FAT1: variants seen among roughly 807,000 people sequenced by gnomAD.
The protein encoded by FAT1 is FAT atypical cadherin 1.
Under a neutral mutation model 329.8 loss-of-function variants are expected in FAT1, and 171 were observed. The observed-to-expected ratio is 0.52, with a 90% CI of 0.46 to 0.59. The LOEUF is 0.59. Ranked by LOEUF, FAT1 falls within the 20% of genes least tolerant of loss-of-function variation. The probability of loss-of-function intolerance (pLI) is 0.00; values close to 1 mark genes in which losing one functional copy is unlikely to be tolerated. For synonymous variants in FAT1, 2,233 were observed against 2,228.6 expected, an observed-to-expected ratio of 1.00 and a Z score of -0.06; for missense variants, 5,672 against 5,774.4, an observed-to-expected ratio of 0.98 and a Z score of 0.57.
intron 22 of FAT1, 145 bp downstream of exon 22, chr4:186,599,753 G>T: frequency 1.5e-6 from 1 of 671,942 alleles, no homozygotes; most frequent in Non-Finnish European, 2.5e-6. Context: ...CCGTATGAGG[G>T]ATGCTGCTCG....
chr4:186,707,640 G>C lies in FAT1; in HGVS notation c.2188C>G (p.Gln730Glu). The C allele has an allele frequency of 6.2e-7, 1 of 1,613,994 alleles. No individual in the cohort carries two copies. Among genetic ancestry groups the C allele is most frequent in the South Asian group, 1.1e-5 (1 of 91,078 alleles). ...LPTGIQVKEN[Q>E]PVGSSVIFMN... Reference sequence around the variant, plus strand: ...AAAATTACACTGGAACCCACAGGCTGGTTTTCCTTTACCTGAATACCAGTC... The same window carrying C: ...AAAATTACACTGGAACCCACAGGCTCGTTTTCCTTTACCTGAATACCAGTC... The change falls in exon 2 of 27, where the codon CAG becomes GAG. Residue 730 changes from glutamine to glutamate, a missense_variant. Around this residue, in one of 2 missense-constraint regions of FAT1, gnomAD observed 3,966 missense variants for 3,915.2 expected, o/e 1.01. Transcript: ENST00000441802.
At chr4:186,624,426 T>C (rs1028622627) in intron 9 of FAT1, among the ~76,000 whole-genome samples, 1 of 152,150 alleles carries the variant, frequency 6.6e-6, no homozygotes, top group African/African-American at 2.4e-5. Context: ...TTACTTAAGT[T>C]TGGGGAGGAA....
intron 17 of FAT1, among the ~76,000 whole-genome samples, chr4:186,605,607 GA>G (rs1389287708): frequency 8.7e-5 from 12 of 138,250 alleles, no homozygotes; most frequent in African/African-American, 3.3e-4. Flanking sequence ...GGGGAGGAGG[GA>G]AGAGTGGGGA....
At chr4:186,612,412 G>A (rs1192560448) in intron 13 of FAT1, among the ~76,000 whole-genome samples, 1 of 152,052 alleles carries the variant, frequency 6.6e-6, no homozygotes, top group Non-Finnish European at 1.5e-5. Flanking sequence ...ATCACAGCAT[G>A]AGTATCCCTA....
chr4:186,618,367 C>A lies in FAT1; in HGVS notation c.8219G>T (p.Gly2740Val), dbSNP rs1739829674. Reference protein sequence around the residue: ...SGTVLYSLVKGNTPESNRDES... With the variant: ...SGTVLYSLVKVNTPESNRDES... ...ATCCCTATTGCTTTCTGGAGTATTC[C>A]CTTTGACCAGGCTGTAAAGAACAGT... Residue 2740 changes from glycine (G) to valine (V), a missense_variant, in exon 10 of 27, where the codon GGG becomes GTG. Coordinates refer to ENST00000441802, the MANE Select transcript of FAT1 (RefSeq NM_005245.4). 6.2e-7 allele frequency: 1 copy of A among 1,613,850 alleles called. No individual in the cohort carries two copies. Among genetic ancestry groups the A allele is most frequent in the African/African-American group, 1.3e-5 (1 of 74,914 alleles).
intron 3 of FAT1, among the ~76,000 whole-genome samples, 183 bp downstream of exon 3, chr4:186,663,116 G>T (rs1425972671): frequency 1.3e-5 from 2 of 152,184 alleles, no homozygotes; most frequent in Non-Finnish European, 2.9e-5. Context: ...GATTACAGGC[G>T]TGAGCCACTG....
chr4:186,722,481 C>T (rs1745508189), intron 1 of FAT1, among the ~76,000 whole-genome samples: 1 of 152,148 alleles, frequency 6.6e-6, no homozygotes, highest in South Asian at 2.1e-4. Flanking sequence ...ATTTTTACAT[C>T]TTAAATACAA....
Position 186,636,834 on chromosome 4 carries a change from G to C in FAT1, c.3723C>G (p.Asn1241Lys), listed in dbSNP as rs929868953. 1.2e-6 allele frequency: 2 copies of C among 1,613,794 alleles called. No homozygotes were observed. Among genetic ancestry groups the C allele is most frequent in the Non-Finnish European group, 1.7e-6 (2 of 1,179,884 alleles). ...VIVKILDEND[N>K]KPQFLQKFYK... The stretch of plus-strand genomic sequence containing the variant: ...AGAACTTTTGCAGAAACTGAGGTTT[G>C]TTGTCATTTTCATCAAGGATTTTCA... Residue 1241 changes from asparagine to lysine, a missense_variant, in exon 5 of 27, where the codon AAC (asparagine) becomes AAG (lysine). Asn to Lys is a moderately conservative substitution (Grantham distance 94). Coordinates refer to ENST00000441802, the MANE Select transcript of FAT1 (RefSeq NM_005245.4).
At chr4:186,718,615 C>T (rs749366042) in intron 1 of FAT1, among the ~76,000 whole-genome samples, 1 of 152,066 alleles carries the variant, frequency 6.6e-6, no homozygotes, top group Non-Finnish European at 1.5e-5. Flanking sequence ...TGCAGTGAGC[C>T]GAGATTGCGC....
At chr4:186,668,186 T>C (rs1463913814) in intron 2 of FAT1, among the ~76,000 whole-genome samples, 2 of 152,182 alleles carry the variant, frequency 1.3e-5, no homozygotes. Context: ...CTTTTTAATC[T>C]GTCAGCCCAG....
At position 186,619,298 on chromosome 4, in the gene FAT1, G is replaced by A. The variant is rs1452402187; in HGVS notation, c.7288C>T (p.Leu2430=). 6.2e-7 allele frequency: 1 copy of A among 1,614,048 alleles called. No individual in the cohort carries two copies. The highest frequency in any genetic ancestry group is 1.7e-5 in the Admixed American group (1 of 60,032). The change falls in exon 10 of 27, where the codon CTG becomes TTG. Residue 2430 remains leucine, a synonymous_variant. Coordinates refer to ENST00000441802, the MANE Select transcript of FAT1 (RefSeq NM_005245.4). ...SDIDKLQYSI[L]SGNDHKHFVI... is the part of the protein sequence containing the mutation. ...AAATGTTTATGATCATTGCCAGACA[G>A]AATGGAATACTGCAACTTGTCTATG...
At position 186,707,212 on chromosome 4, in the gene FAT1, G is replaced by A. The variant is rs577598489; in HGVS notation, c.2616C>T (p.Ser872=). The A allele has an allele frequency of 7.4e-6, 12 of 1,613,892 alleles. No homozygotes were observed. The highest frequency in any genetic ancestry group is 1.7e-5 in the Admixed American group (1 of 60,008). Residue 872 remains serine (S), a synonymous_variant, in exon 2 of 27, where the codon AGC becomes AGT. Transcript: ENST00000441802. The stretch of plus-strand genomic sequence containing the variant: ...GTGCGATGTTAACAACACCCGTCAC[G>A]CTGTCAATTGAAAATGTGTCTGTGT... ...VTDTDTFSID[S]VTGVVNIARP... is the part of the protein sequence containing the mutation.
intron 24 of FAT1, 26 bp downstream of exon 24, chr4:186,597,656 C>T (rs375588095): frequency 1.4e-5 from 22 of 1,567,360 alleles, no homozygotes; most frequent in Non-Finnish European, 1.9e-5. Context: ...AAGGTATGAA[C>T]CTAAATTTTG....
Position 186,706,876 on chromosome 4 carries a change from C to T in FAT1, c.2952G>A (p.Arg984=), listed in dbSNP as rs779648756. ...FDVDKLSGAV[R]IVQQLDFEKK... is the part of the protein sequence containing the mutation. ...TCTCAAAGTCCAACTGCTGGACGAT[C>T]CTAACTGCTCCACTGAGTTTATCCA... Residue 984 remains arginine, a synonymous_variant, in exon 2 of 27, where the codon AGG becomes AGA. Coordinates refer to ENST00000441802, the MANE Select transcript of FAT1 (RefSeq NM_005245.4). 6.2e-7 allele frequency: 1 copy of T among 1,613,974 alleles called. No individual in the cohort carries two copies. Among genetic ancestry groups the T allele is most frequent in the East Asian group, 2.2e-5 (1 of 44,868 alleles).
At position 186,618,314 on chromosome 4, in the gene FAT1, C is replaced by T. The variant is rs765867024; in HGVS notation, c.8272G>A (p.Gly2758Arg). 2.2e-5 allele frequency: 36 copies of T among 1,613,900 alleles called. No homozygotes were observed. The highest frequency in any genetic ancestry group is 1.6e-4 in the Middle Eastern group (1 of 6,084). The change falls in exon 10 of 27, where the codon GGG becomes AGG. Residue 2758 changes from glycine (G) to arginine (R), a missense_variant. Around this residue, in one of 2 missense-constraint regions of FAT1, gnomAD observed 3,966 missense variants for 3,915.2 expected, o/e 1.01. Coordinates refer to ENST00000441802, the MANE Select transcript of FAT1 (RefSeq NM_005245.4). ...AGACTCTTCTCCAACTTCAGTCTCCCGCTCTGTCTGTCAATCACAAAGGAC... is the reference window on the plus strand; with the variant it reads ...AGACTCTTCTCCAACTTCAGTCTCCTGCTCTGTCTGTCAATCACAAAGGAC... Reference protein sequence around the residue: ...DESFVIDRQSGRLKLEKSLDH... With the variant: ...DESFVIDRQSRRLKLEKSLDH...
chr4:186,648,350 T>C (rs1289568239), intron 3 of FAT1, among the ~76,000 whole-genome samples: 1 of 152,212 alleles, frequency 6.6e-6, no homozygotes, highest in South Asian at 2.1e-4. Flanking sequence ...AAACTAAACT[T>C]AGGCTGGAAA....
chr4:186,708,796 C>A lies in FAT1; in HGVS notation c.1032G>T (p.Pro344=), dbSNP rs372382696. The A allele has an allele frequency of 6.2e-7, 1 of 1,613,922 alleles. No individual in the cohort carries two copies. The highest frequency in any genetic ancestry group is 8.5e-7 in the Non-Finnish European group (1 of 1,179,870). Residue 344 remains proline (P), a synonymous_variant, in exon 2 of 27, where the codon CCG becomes CCT. Coordinates refer to ENST00000441802, the MANE Select transcript of FAT1 (RefSeq NM_005245.4). ...LTLQAKDKGT[P]PQFSSVKVIH... ...TGACTTTAACAGAAGAGAACTGGGGCGGAGTTCCTTTATCTTTAGCCTGTA... is the reference window on the plus strand; with the variant it reads ...TGACTTTAACAGAAGAGAACTGGGGAGGAGTTCCTTTATCTTTAGCCTGTA...
chr4:186,691,162 T>C (rs1389017125), intron 2 of FAT1, among the ~76,000 whole-genome samples: 3 of 152,222 alleles, frequency 2.0e-5, no homozygotes, highest in Admixed American at 2.0e-4. Flanking sequence ...TGAGCACCTG[T>C]ATCTAAAAAC....
intron 3 of FAT1, among the ~76,000 whole-genome samples, chr4:186,642,004 C>CAA (rs11426763): frequency 1.5e-3 from 195 of 134,090 alleles, no homozygotes; most frequent in Middle Eastern, 3.8e-3. Flanking sequence ...AAAACTCTGT[C>CAA]AAAAAAAAAA....
Sources: allele counts gnomAD v4.1 joint callset (sites outside exome capture counted in the v4.1 genomes callset), GRCh38; gene constraint gnomAD v4.1.1; regional missense constraint gnomAD v4.1.1; transcripts MANE v1.5; gene names NCBI Gene and HGNC (gene_info 2026-07-23, HGNC 2026-07-21).